CYYR1: variants seen among roughly 807,000 people sequenced by gnomAD.
CYYR1 encodes cysteine and tyrosine-rich protein 1.
A neutral mutation model predicts 15.2 loss-of-function variants in CYYR1; 14 were observed. That is an observed-to-expected ratio of 0.92 (90% CI 0.61 to 1.44). CYYR1 has a LOEUF of 1.44. CYYR1 is among the 40% of genes most tolerant of loss of function. The pLI, the probability that CYYR1 is intolerant of heterozygous loss-of-function variation, is 0.00. For missense variants in CYYR1, 228 were observed against 209.5 expected (o/e 1.09, Z -0.54); for synonymous variants, 80 against 77.4 (o/e 1.03, Z -0.18).
chr21:26,571,091 C>T (rs1329901681), intron 1 of CYYR1, among the ~76,000 whole-genome samples: 1 of 152,156 alleles, frequency 6.6e-6, no homozygotes, highest in Non-Finnish European at 1.5e-5. Context: ...ATGACACAAC[C>T]TTTTATACCT....
chr21:26,565,062 T>C (rs1469554652), intron 2 of CYYR1, among the ~76,000 whole-genome samples: 1 of 152,178 alleles, frequency 6.6e-6, no homozygotes, highest in Non-Finnish European at 1.5e-5. Context: ...TGGAGCTTAT[T>C]TGCATTTCAA....
intron 3 of CYYR1, among the ~76,000 whole-genome samples, chr21:26,472,327 C>A (rs973805383): frequency 6.6e-6 from 1 of 151,042 alleles, no homozygotes; most frequent in Non-Finnish European, 1.5e-5. Flanking sequence ...TACACATAGA[C>A]TTTTTAATTA....
At chr21:26,514,066 TAA>T (rs5843239) in intron 2 of CYYR1, among the ~76,000 whole-genome samples, 5 of 149,428 alleles carry the variant, frequency 3.3e-5, no homozygotes, top group East Asian at 2.0e-4. Flanking sequence ...AGTATAATAA[TAA>T]AAAAAAAAAC....
intron 1 of CYYR1, among the ~76,000 whole-genome samples, chr21:26,569,489 GT>G (rs1364263579): frequency 7.9e-5 from 12 of 152,130 alleles, no homozygotes; most frequent in African/African-American, 2.9e-4. Context: ...ATTGGGTACT[GT>G]ATTCAATACC....
chr21:26,548,873 GT>G (rs1424478973), intron 2 of CYYR1, among the ~76,000 whole-genome samples: 1 of 152,252 alleles, frequency 6.6e-6, no homozygotes, highest in African/African-American at 2.4e-5. Flanking sequence ...TTTAAATTCT[GT>G]GAAATCTCTA....
chr21:26,513,335 T>C (rs1224566210), intron 2 of CYYR1, among the ~76,000 whole-genome samples: 1 of 152,170 alleles, frequency 6.6e-6, no homozygotes, highest in Non-Finnish European at 1.5e-5. Flanking sequence ...CTAAGAATGC[T>C]GCAGACATGG....
intron 2 of CYYR1, among the ~76,000 whole-genome samples, chr21:26,536,687 A>G (rs1346136605): frequency 6.6e-6 from 1 of 152,172 alleles, no homozygotes; most frequent in Non-Finnish European, 1.5e-5. Context: ...TTATAACACT[A>G]GCAGCCCTGA....
chr21:26,547,792 T>C (rs1601818177), intron 2 of CYYR1, among the ~76,000 whole-genome samples: 2 of 146,224 alleles, frequency 1.4e-5, no homozygotes, highest in African/African-American at 2.5e-5. Flanking sequence ...TTTTTTTTTT[T>C]TCTTTTTTTG....
At chr21:26,522,712 C>G (rs975290700) in intron 2 of CYYR1, among the ~76,000 whole-genome samples, 2 of 152,150 alleles carry the variant, frequency 1.3e-5, no homozygotes, top group African/African-American at 4.8e-5. Context: ...TACAGTCTAT[C>G]AGGAGAGATG....
chr21:26,483,446 G>A, intron 2 of CYYR1: 2 of 978,212 alleles, frequency 2.0e-6, no homozygotes, highest in Non-Finnish European at 2.4e-6. Context: ...GTAGCTACTT[G>A]GAAGTTTAGT....
chr21:26,475,138 G>T (rs1158953276), intron 3 of CYYR1, among the ~76,000 whole-genome samples: 1 of 152,090 alleles, frequency 6.6e-6, no homozygotes, highest in Non-Finnish European at 1.5e-5. Flanking sequence ...CTTTGGCCTT[G>T]CTCAGAAGCC....
intron 2 of CYYR1, among the ~76,000 whole-genome samples, chr21:26,515,343 C>T (rs891799316): frequency 6.6e-6 from 1 of 152,114 alleles, no homozygotes; most frequent in Non-Finnish European, 1.5e-5. Context: ...CCACCCTGAT[C>T]TCTTTTTCTT....
At chr21:26,507,346 A>G (rs565772115) in intron 2 of CYYR1, among the ~76,000 whole-genome samples, 1 of 152,358 alleles carries the variant, frequency 6.6e-6, no homozygotes, top group South Asian at 2.1e-4. Flanking sequence ...AGAGCCAAAT[A>G]TAAACACTAA....
intron 2 of CYYR1, among the ~76,000 whole-genome samples, chr21:26,487,848 AG>A (rs2065271423): frequency 6.6e-6 from 1 of 151,814 alleles, no homozygotes; most frequent in South Asian, 2.1e-4. Flanking sequence ...TACTACTCCA[AG>A]TGTAAAATGC....
At position 26,467,839 on chromosome 21, in the gene CYYR1, A is replaced by C. The variant is rs1273062135; in HGVS notation, c.*662T>G. ...ATAGAAATTCACTTCACACCCACCT[A>C]AAATACGAGCAGAACTTCTGAGGCC... is the stretch of plus-strand genomic sequence containing the variant. On this transcript the variant is annotated 3_prime_UTR_variant, in exon 4 of 4. Transcript: ENST00000652641. 1 of 153,886 alleles carries C rather than the reference A, an allele frequency of 6.5e-6. No individual in the cohort carries two copies. The highest frequency in any genetic ancestry group is 2.4e-5 in the African/African-American group (1 of 41,456). 9.5% of individuals were successfully genotyped at this position (153,886 alleles called of 1,614,324 possible).
At chr21:26,471,594 C>A (rs907384252) in intron 3 of CYYR1, 17 of 152,098 alleles carry the variant, frequency 1.1e-4, no homozygotes, top group African/African-American at 4.1e-4. Context: ...CATGGCACAT[C>A]TTTTATAATA....
chr21:26,566,819 G>C (rs1238693889), intron 1 of CYYR1, among the ~76,000 whole-genome samples: 1 of 152,064 alleles, frequency 6.6e-6, no homozygotes, highest in Non-Finnish European at 1.5e-5. Flanking sequence ...GACCAGCCTG[G>C]CCAACATGAT....
chr21:26,514,664 AAG>A (rs1265307873), intron 2 of CYYR1, among the ~76,000 whole-genome samples: 1 of 152,242 alleles, frequency 6.6e-6, no homozygotes, highest in East Asian at 1.9e-4. Context: ...CAGGAAGAGA[AAG>A]AGTGTATAAA....
intron 2 of CYYR1, among the ~76,000 whole-genome samples, chr21:26,547,077 C>CATTTTTATTTTTATTTTTATTTTT: frequency 6.6e-6 from 1 of 152,070 alleles, no homozygotes; most frequent in African/African-American, 2.4e-5. Flanking sequence ...TGCAAGGACT[C>CATTTTTATTTTTATTTTTATTTTT]ATTTTTATTT....
Sources: gnomAD v4.1 joint callset for allele counts (sites outside exome capture counted in the v4.1 genomes callset) on GRCh38, gnomAD v4.1.1 for gene constraint, MANE v1.5 for transcripts, NCBI Gene and HGNC (gene_info 2026-07-23, HGNC 2026-07-21) for gene names.